The following VPS8 variants were observed in gnomAD, a reference collection of about 807,000 sequenced individuals.
The protein encoded by VPS8 is vacuolar protein sorting-associated protein 8 homolog.
A neutral mutation model predicts 216.4 loss-of-function variants in VPS8; 129 were observed. The observed-to-expected ratio is 0.60, with a 90% CI of 0.52 to 0.69. VPS8 has a LOEUF of 0.69. Among genes scored for constraint, VPS8 ranks in the 30% least tolerant of loss-of-function variants. VPS8 has a pLI of 0.00. For synonymous variants in VPS8, 571 were observed against 565.4 expected (o/e 1.01, Z -0.14); for missense variants, 1,531 against 1,683.5 (o/e 0.91, Z 1.59).
intron 45 of VPS8, among the ~76,000 whole-genome samples, chr3:185,020,668 G>A (rs957211506): frequency 6.6e-6 from 1 of 152,004 alleles, no homozygotes; most frequent in Non-Finnish European, 1.5e-5. Context: ...ATGGGGTTTC[G>A]CCATGTTACC....
intron 46 of VPS8, among the ~76,000 whole-genome samples, chr3:185,039,791 T>G (rs550287399): frequency 6.6e-6 from 1 of 152,160 alleles, no homozygotes; most frequent in South Asian, 2.1e-4. Context: ...AAACATGCAG[T>G]AGAAATTGGG....
chr3:184,994,699 T>C (rs1316935623), intron 43 of VPS8, among the ~76,000 whole-genome samples: 1 of 152,212 alleles, frequency 6.6e-6, no homozygotes, highest in Non-Finnish European at 1.5e-5. Flanking sequence ...TCAACATGAA[T>C]ATAGAAAATT....
chr3:184,839,559 C>T, intron 6 of VPS8, 139 bp from the exon 7 acceptor site: 1 of 769,932 alleles, frequency 1.3e-6, no homozygotes. Flanking sequence ...GTTTTGCCTC[C>T]TGGATGAAAT....
chr3:184,966,650 T>C, intron 38 of VPS8, 21 bp from the exon 39 acceptor site: 3 of 1,538,424 alleles, frequency 2.0e-6, no homozygotes, highest in Non-Finnish European at 2.7e-6. Context: ...TTTTAACTCC[T>C]ATGTTCTTTT....
At chr3:184,864,308 T>C (rs1726934092) in intron 16 of VPS8, among the ~76,000 whole-genome samples, 1 of 152,138 alleles carries the variant, frequency 6.6e-6, no homozygotes, top group Non-Finnish European at 1.5e-5. Context: ...ATCTGGGCTG[T>C]GGAGGAACCC....
rs1727459730 is a variant in VPS8 at position 184,866,901 on chromosome 3, A to T, written c.1421A>T (p.Tyr474Phe). 1 of 1,613,100 alleles carries T rather than the reference A, an allele frequency of 6.2e-7. No homozygotes were observed. Among genetic ancestry groups the T allele is most frequent in the African/African-American group, 1.3e-5 (1 of 75,026 alleles). ...GCTTTGGTTGGAGAGAAGGCTTGTT[A>T]TCAATCCATCAGTAGCTATGGTGGT... ...ALALVGEKAC[Y>F]QSISSYGGQI... The change falls in exon 17 of 48, where the codon TAT becomes TTT. Residue 474 changes from tyrosine (Y) to phenylalanine (F), a missense_variant. Tyr to Phe is a conservative substitution (Grantham distance 22). This residue lies in a region of VPS8 where 1,318 missense variants were observed against 1,468.4 expected (regional missense o/e 0.90). Transcript: ENST00000625842.
At chr3:184,893,242 A>G in intron 22 of VPS8, 2 of 1,282,324 alleles carry the variant, frequency 1.6e-6, no homozygotes, top group East Asian at 5.7e-5. Flanking sequence ...AGGACTTCAG[A>G]TGAGTCAAAA....
chr3:184,846,031 C>T (rs1723060857), intron 8 of VPS8, among the ~76,000 whole-genome samples: 1 of 152,114 alleles, frequency 6.6e-6, no homozygotes, highest in Non-Finnish European at 1.5e-5. Flanking sequence ...GCATTTTCTA[C>T]ATTTTACAGA....
intron 46 of VPS8, among the ~76,000 whole-genome samples, chr3:185,041,912 G>A (rs912440356): frequency 1.3e-4 from 20 of 152,188 alleles, no homozygotes; most frequent in African/African-American, 4.8e-4. Flanking sequence ...GCATGTTTGG[G>A]AAACAGTGGG....
chr3:184,949,098 G>A (rs1177584614), intron 36 of VPS8, among the ~76,000 whole-genome samples: 4 of 152,086 alleles, frequency 2.6e-5, no homozygotes, highest in Non-Finnish European at 4.4e-5. Context: ...TTGAGCCGAG[G>A]AGTTCAAGAC....
chr3:184,898,723 T>G, intron 24 of VPS8, 69 bp downstream of exon 24: 1 of 1,191,760 alleles, frequency 8.4e-7, no homozygotes, highest in Non-Finnish European at 1.2e-6. Flanking sequence ...ATTCTCCATT[T>G]GCTTTTAATA....
intron 13 of VPS8, among the ~76,000 whole-genome samples, chr3:184,854,567 C>T (rs1053900028): frequency 1.3e-5 from 2 of 152,132 alleles, no homozygotes; most frequent in African/African-American, 4.8e-5. Context: ...AGTAAAATTC[C>T]CTTATCAGAT....
intron 46 of VPS8, among the ~76,000 whole-genome samples, chr3:185,038,448 A>T (rs532237082): frequency 6.6e-6 from 1 of 152,324 alleles, no homozygotes; most frequent in South Asian, 2.1e-4. Flanking sequence ...TTCTGACCTC[A>T]CAAGGTCTCC....
At chr3:184,962,379 A>G (rs887920088) in intron 37 of VPS8, among the ~76,000 whole-genome samples, 1 of 152,122 alleles carries the variant, frequency 6.6e-6, no homozygotes, top group Non-Finnish European at 1.5e-5. Flanking sequence ...AGTGTCTGAT[A>G]TTTGCTGTTT....
intron 28 of VPS8, among the ~76,000 whole-genome samples, chr3:184,917,362 G>A (rs1219537438): frequency 2.0e-5 from 3 of 152,172 alleles, no homozygotes. Context: ...GGCAGATACC[G>A]AGTCTTGCAA....
chr3:184,988,287 T>A (rs1352865926), intron 42 of VPS8, among the ~76,000 whole-genome samples: 2 of 152,246 alleles, frequency 1.3e-5, no homozygotes, highest in Non-Finnish European at 1.5e-5. Context: ...CCTAAAAGTT[T>A]TGTATTTTTG....
intron 45 of VPS8, among the ~76,000 whole-genome samples, chr3:185,023,224 G>A (rs940425022): frequency 6.9e-6 from 1 of 145,010 alleles, no homozygotes; most frequent in Non-Finnish European, 1.5e-5. Flanking sequence ...CTATAAAATA[G>A]ATATACTTTT....
intron 31 of VPS8, among the ~76,000 whole-genome samples, chr3:184,927,894 T>C (rs996043199): frequency 2.6e-5 from 4 of 152,250 alleles, no homozygotes; most frequent in African/African-American, 7.2e-5. Context: ...GCAGCATGCA[T>C]GTATCAGGTT....
At chr3:184,913,584 T>A (rs191065209) in intron 26 of VPS8, 23 bp downstream of exon 26, 38 of 1,533,580 alleles carry the variant, frequency 2.5e-5, no homozygotes, top group Non-Finnish European at 3.3e-5. Flanking sequence ...TATTTATTCA[T>A]CTGCATGTAT....
Sources: gnomAD v4.1 joint callset for allele counts (sites outside exome capture counted in the v4.1 genomes callset) on GRCh38, gnomAD v4.1.1 for gene constraint, gnomAD v4.1.1 regional missense constraint, MANE v1.5 for transcripts, NCBI Gene and HGNC (gene_info 2026-07-23, HGNC 2026-07-21) for gene names.